SLC4A8: variants seen among roughly 807,000 people sequenced by gnomAD.
SLC4A8 encodes electroneutral sodium bicarbonate exchanger 1.
SLC4A8 carries 40 observed loss-of-function variants against 125.0 expected under a neutral mutation model. The observed-to-expected ratio is 0.32, with a 90% CI of 0.25 to 0.42. The LOEUF is 0.42. Among genes scored for constraint, SLC4A8 ranks in the 10% least tolerant of loss-of-function variants. The pLI, the probability that SLC4A8 is intolerant of heterozygous loss-of-function variation, is 1.00. For missense variants in SLC4A8, 863 were observed against 1,355.1 expected, an observed-to-expected ratio of 0.64 and a Z score of 5.70; for synonymous variants, 456 against 476.0, an observed-to-expected ratio of 0.96 and a Z score of 0.55.
chr12:51,396,050 C>T (rs1948254641), intron 1 of SLC4A8, among the ~76,000 whole-genome samples: 1 of 152,172 alleles, frequency 6.6e-6, no homozygotes, highest in South Asian at 2.1e-4. Context: ...TACAATTCAC[C>T]CATTTCTGTG....
At position 51,515,183 on chromosome 12, in the gene SLC4A8, A is replaced by AT. The variant is rs1438983849; in HGVS notation, c.*7746dup. 2 of 152,244 alleles carry AT rather than the reference A, an allele frequency of 1.3e-5. No homozygotes were observed. Among genetic ancestry groups the AT allele is most frequent in the Non-Finnish European group, 2.9e-5 (2 of 68,044 alleles). The allele number at this position is 152,244 out of a possible 1,614,324, so 9.4% of individuals were successfully genotyped here. A position where few individuals can be genotyped will look rare whatever the true frequency, so the allele number is the denominator to read the frequency against. ...AACATGCAGGCTTTTCACATGTGCA[A>AT]TAATGCTGGAAACAGAAGCACCAAA... On this transcript the variant is annotated 3_prime_UTR_variant, in exon 25 of 25. Transcript: ENST00000453097.
rs1407347081 is a variant in SLC4A8 at position 51,478,821 on chromosome 12, G to A, written c.2172+3615G>A. Among the ~76,000 whole-genome samples the A allele has an allele frequency of 2.6e-5, 4 of 152,276 alleles. No homozygotes were observed. In the East Asian group the frequency reaches 5.8e-4, roughly 22 times the overall value. On this transcript the variant is annotated intron_variant, in intron 16 of 24. Transcript: ENST00000453097. ...CAATCAGGATTCTGGTTGTGACTGG[G>A]GCCCCTGTCTCATAGGAGCTTAATA... is the stretch of plus-strand genomic sequence containing the variant.
chr12:51,469,576 C>T (rs897333019), intron 11 of SLC4A8, 38 bp from the exon 12 acceptor site: 33 of 1,586,800 alleles, frequency 2.1e-5, no homozygotes, highest in Admixed American at 3.4e-5. Flanking sequence ...TTAGGGAAGA[C>T]GGACTGTGTT....
chr12:51,406,568 G>A (rs1274995131), intron 1 of SLC4A8, among the ~76,000 whole-genome samples: 1 of 152,232 alleles, frequency 6.6e-6, no homozygotes, highest in Non-Finnish European at 1.5e-5. Context: ...GAGGTGACAT[G>A]ACCTGGTTTG....
chr12:51,464,616 G>C (rs539126327), intron 11 of SLC4A8, among the ~76,000 whole-genome samples: 2 of 152,198 alleles, frequency 1.3e-5, no homozygotes, highest in Non-Finnish European at 2.9e-5. Flanking sequence ...TCTCTGTTAA[G>C]CTGTGCTGTG....
intron 22 of SLC4A8, among the ~76,000 whole-genome samples, chr12:51,501,650 A>G (rs1430568673): frequency 2.6e-5 from 4 of 152,140 alleles, no homozygotes; most frequent in Non-Finnish European, 5.9e-5. Context: ...AGAACAATTT[A>G]TTTTCCTTTG....
intron 2 of SLC4A8, 91 bp from the exon 3 acceptor site, chr12:51,450,785 A>AT (rs1949939268): frequency 5.0e-6 from 7 of 1,401,868 alleles, no homozygotes; most frequent in Middle Eastern, 1.8e-4. Flanking sequence ...GAACTGTGAT[A>AT]TTTTTTTCTC....
At chr12:51,434,851 T>G (rs1324152549) in intron 1 of SLC4A8, among the ~76,000 whole-genome samples, 1 of 152,214 alleles carries the variant, frequency 6.6e-6, no homozygotes, top group Non-Finnish European at 1.5e-5. Flanking sequence ...AATTATTTAT[T>G]TATATAGTTT....
intron 16 of SLC4A8, among the ~76,000 whole-genome samples, chr12:51,477,914 G>A (rs544341947): frequency 3.6e-4 from 55 of 152,224 alleles, no homozygotes; most frequent in African/African-American, 8.9e-4. Context: ...GTGGATCACC[G>A]GAGGTCAGGA....
chr12:51,469,535 AT>A, intron 11 of SLC4A8, 78 bp from the exon 12 acceptor site: 6 of 1,308,402 alleles, frequency 4.6e-6, no homozygotes, highest in Non-Finnish European at 6.5e-6. Flanking sequence ...CACATTTGAA[AT>A]GCTTTCAAAT....
chr12:51,480,358 G>A, intron 16 of SLC4A8: 1 of 1,173,972 alleles, frequency 8.5e-7, no homozygotes, highest in South Asian at 1.6e-5. Flanking sequence ...TGGAATAAAA[G>A]TCTAGAATGT....
At chr12:51,478,875 G>T (rs1950936666) in intron 16 of SLC4A8, among the ~76,000 whole-genome samples, 1 of 152,236 alleles carries the variant, frequency 6.6e-6, no homozygotes, top group Non-Finnish European at 1.5e-5. Context: ...CAGTGTCCAA[G>T]GCCCATGGCC....
At chr12:51,413,010 C>T (rs1467322818) in intron 1 of SLC4A8, among the ~76,000 whole-genome samples, 1 of 152,156 alleles carries the variant, frequency 6.6e-6, no homozygotes, top group Admixed American at 6.5e-5. Flanking sequence ...TCCATAATGT[C>T]TGTAATAATA....
intron 1 of SLC4A8, among the ~76,000 whole-genome samples, chr12:51,400,131 C>T (rs551926469): frequency 3.3e-4 from 50 of 152,310 alleles, no homozygotes; most frequent in African/African-American, 1.2e-3. Flanking sequence ...GTTTGTTCCA[C>T]CTGGACCTGC....
chr12:51,457,297 T>A, intron 5 of SLC4A8, 54 bp from the exon 6 acceptor site: 1 of 1,527,654 alleles, frequency 6.5e-7, no homozygotes, highest in Non-Finnish European at 9.0e-7. Flanking sequence ...ATGTTGGCCT[T>A]CTTGGGTTCA....
rs112596136 is a variant in SLC4A8, at chr12:51,496,977, T to C, written c.2944-10T>C. On this transcript the variant is annotated splice_polypyrimidine_tract_variant and intron_variant, in intron 21 of 24. Coordinates refer to ENST00000453097, the MANE Select transcript of SLC4A8 (RefSeq NM_001039960.3). ...CCTTTAATTCACTTTTTTTTTTAAT[T>C]TTTCTTCAGGTTTTGGCCTTGGTCT... 6.2e-7 allele frequency: 1 copy of C among 1,610,240 alleles called. No homozygotes were observed. Among genetic ancestry groups the C allele is most frequent in the African/African-American group, 1.3e-5 (1 of 74,554 alleles).
chr12:51,480,081 C>T (rs1950977880), intron 16 of SLC4A8: 1 of 367,798 alleles, frequency 2.7e-6, no homozygotes, highest in Non-Finnish European at 5.2e-6. Context: ...GCTGGGACTA[C>T]AGGCACGCAC....
At chr12:51,492,521 G>A (rs1316430971) in intron 19 of SLC4A8, among the ~76,000 whole-genome samples, 2 of 152,190 alleles carry the variant, frequency 1.3e-5, no homozygotes. Flanking sequence ...GAACCATGAA[G>A]GCGCGGCAGT....
At chr12:51,470,552 C>CT in intron 13 of SLC4A8, 27 bp downstream of exon 13, 1 of 1,604,546 alleles carries the variant, frequency 6.2e-7, no homozygotes, top group Non-Finnish European at 8.5e-7. Context: ...TCTGAAAACT[C>CT]TAACCAGATT....
Sources: gnomAD v4.1 joint callset for allele counts (sites outside exome capture counted in the v4.1 genomes callset) on GRCh38, gnomAD v4.1.1 for gene constraint, MANE v1.5 for transcripts, NCBI Gene and HGNC (gene_info 2026-07-23, HGNC 2026-07-21) for gene names.